Variants in TFPI observed in about 807,000 individuals in gnomAD.
TFPI encodes tissue factor pathway inhibitor.
Under a neutral mutation model 34.6 loss-of-function variants are expected in TFPI, and 15 were observed. That is an observed-to-expected ratio of 0.43 (90% CI 0.29 to 0.67). The LOEUF is 0.67. TFPI is among the 30% of genes least tolerant of loss of function. TFPI has a pLI of 0.15. For missense variants in TFPI, 301 were observed against 364.0 expected, an observed-to-expected ratio of 0.83 and a Z score of 1.41; for synonymous variants, 105 against 120.1, an observed-to-expected ratio of 0.87 and a Z score of 0.82.
chr2:187,521,447 A>G (rs1367646820), intron 1 of TFPI, among the ~76,000 whole-genome samples: 1 of 152,052 alleles, frequency 6.6e-6, no homozygotes, highest in African/African-American at 2.4e-5. Flanking sequence ...CTTTTTTTAT[A>G]TGTACCCAGA....
intron 1 of TFPI, chr2:187,517,840 A>G (rs1276759672): frequency 6.6e-6 from 1 of 152,182 alleles, no homozygotes; most frequent in African/African-American, 2.4e-5. Context: ...TTGGGTGCAT[A>G]TATATTAGGA....
chr2:187,550,000 G>A (rs1437040651), intron 1 of TFPI, among the ~76,000 whole-genome samples: 1 of 152,064 alleles, frequency 6.6e-6, no homozygotes. Context: ...AGACTGAGTG[G>A]AGACTCAGTT....
At chr2:187,548,429 G>A (rs1454862902) in intron 1 of TFPI, among the ~76,000 whole-genome samples, 1 of 151,938 alleles carries the variant, frequency 6.6e-6, no homozygotes, top group Non-Finnish European at 1.5e-5. Context: ...ATCTTTCATG[G>A]TGGTGTGTAA....
chr2:187,529,002 A>C (rs1230708849), intron 1 of TFPI, among the ~76,000 whole-genome samples: 6 of 152,242 alleles, frequency 3.9e-5, no homozygotes, highest in Admixed American at 1.3e-4. Context: ...TAATGGAGTC[A>C]TTCCAAACTA....
chr2:187,537,562 T>C (rs1688329292), intron 1 of TFPI, among the ~76,000 whole-genome samples: 1 of 152,154 alleles, frequency 6.6e-6, no homozygotes. Context: ...CTGGACCCCT[T>C]CCTTATACCT....
intron 4 of TFPI, among the ~76,000 whole-genome samples, chr2:187,486,578 A>G (rs1191413467): frequency 6.6e-6 from 1 of 151,716 alleles, no homozygotes; most frequent in Non-Finnish European, 1.5e-5. Context: ...TACATTGGGA[A>G]ACATGAACTT....
At chr2:187,479,192 T>A (rs183947531) in intron 6 of TFPI, among the ~76,000 whole-genome samples, 131 of 152,012 alleles carry the variant, frequency 8.6e-4, no homozygotes, top group South Asian at 7.5e-3. Context: ...AAAGTTATAT[T>A]TAAGGGACAG....
rs8176540 is a variant in TFPI, at chr2:187,476,342, G to T, written c.628+7782C>A. Among the ~76,000 whole-genome samples the T allele has an allele frequency of 7.8e-3, 1,188 of 152,198 alleles. 9 individuals are homozygous for T. Among genetic ancestry groups the T allele is most frequent in the African/African-American group, 9.9e-3 (413 of 41,540 alleles). ...AGAGTTGGAATTTTCCTGATCAACA[G>T]ATTTTATTTATTTATTTATGAGAGA... is the stretch of plus-strand genomic sequence containing the variant. On this transcript the variant is annotated intron_variant, in intron 6 of 7. Coordinates refer to ENST00000233156, the MANE Select transcript of TFPI (RefSeq NM_006287.6).
rs776906545 is a variant in TFPI at position 187,480,856 on chromosome 2, A to G, written c.628+3268T>C. Among the ~76,000 whole-genome samples the G allele has an allele frequency of 5.4e-4, 82 of 152,134 alleles. 1 individual carries two copies. The highest frequency in any genetic ancestry group is 1.6e-4 in the Non-Finnish European group (11 of 68,012). ...TTGTTAATATTGAAATGTGGAAATAAAAAGAAAAATTACACCGGAATTGTG... is the reference window on the plus strand; with the variant it reads ...TTGTTAATATTGAAATGTGGAAATAGAAAGAAAAATTACACCGGAATTGTG... On this transcript the variant is annotated intron_variant, in intron 6 of 7. Transcript: ENST00000233156.
intron 6 of TFPI, among the ~76,000 whole-genome samples, chr2:187,479,034 C>T (rs1692613572): frequency 6.6e-6 from 1 of 151,998 alleles, no homozygotes; most frequent in Admixed American, 6.6e-5. Context: ...AGAAGGCCTC[C>T]TTATGGTAGT....
intron 1 of TFPI, among the ~76,000 whole-genome samples, chr2:187,505,987 AT>A (rs67619431): frequency 2.4e-4 from 35 of 147,236 alleles, no homozygotes; most frequent in African/African-American, 7.8e-4. Flanking sequence ...AGCGTATGTA[AT>A]TTTTTTTTTA....
chr2:187,545,684 A>G (rs957973166), intron 1 of TFPI, among the ~76,000 whole-genome samples: 1 of 152,192 alleles, frequency 6.6e-6, no homozygotes, highest in South Asian at 2.1e-4. Context: ...TCATTAAACC[A>G]TAACTAGGAA....
At chr2:187,475,793 A>C (rs1278179330) in intron 6 of TFPI, among the ~76,000 whole-genome samples, 1 of 152,230 alleles carries the variant, frequency 6.6e-6, no homozygotes, top group African/African-American at 2.4e-5. Context: ...GAAAATTAAG[A>C]AAATAATACC....
intron 1 of TFPI, among the ~76,000 whole-genome samples, chr2:187,506,458 A>G (rs1295225884): frequency 6.6e-6 from 1 of 152,132 alleles, no homozygotes; most frequent in Non-Finnish European, 1.5e-5. Flanking sequence ...TAATATACCA[A>G]AATTGATACA....
chr2:187,479,741 C>A (rs144692632), intron 6 of TFPI, among the ~76,000 whole-genome samples: 6,073 of 151,018 alleles, frequency 0.04, 182 homozygotes, highest in South Asian at 0.12. Context: ...CATTAGTGTT[C>A]CAAATTGGAT....
At chr2:187,471,753 G>A (rs2105957825) in intron 6 of TFPI, among the ~76,000 whole-genome samples, 1 of 151,796 alleles carries the variant, frequency 6.6e-6, no homozygotes, top group South Asian at 2.1e-4. Context: ...AGTTGTTAAT[G>A]TAAATTTGCT....
At chr2:187,529,166 T>C (rs1042225669) in intron 1 of TFPI, among the ~76,000 whole-genome samples, 1 of 152,212 alleles carries the variant, frequency 6.6e-6, no homozygotes, top group Non-Finnish European at 1.5e-5. Flanking sequence ...GTAAGAATGC[T>C]GCATCAGACC....
chr2:187,538,989 T>C (rs1688421763), intron 1 of TFPI, among the ~76,000 whole-genome samples: 1 of 152,156 alleles, frequency 6.6e-6, no homozygotes, highest in Non-Finnish European at 1.5e-5. Flanking sequence ...AATATTAATA[T>C]ATATTGAAAA....
chr2:187,483,161 G>A (rs1373934504), intron 6 of TFPI, among the ~76,000 whole-genome samples: 3 of 151,828 alleles, frequency 2.0e-5, no homozygotes, highest in African/African-American at 7.3e-5. Context: ...TTAGTTGTTC[G>A]TTTGTTTGTT....
Sources: allele counts gnomAD v4.1 joint callset (sites outside exome capture counted in the v4.1 genomes callset), GRCh38; gene constraint gnomAD v4.1.1; transcripts MANE v1.5; gene names NCBI Gene and HGNC (gene_info 2026-07-23, HGNC 2026-07-21).